CTNNA2: variants seen among roughly 807,000 people sequenced by gnomAD.
CTNNA2 encodes catenin alpha-2.
Under a neutral mutation model 101.0 loss-of-function variants are expected in CTNNA2, and 42 were observed. The observed-to-expected ratio is 0.42, with a 90% CI of 0.32 to 0.54. The LOEUF is 0.54. CTNNA2 is among the 20% of genes least tolerant of loss of function. The probability of loss-of-function intolerance (pLI) is 0.14; values close to 1 mark genes in which losing one functional copy is unlikely to be tolerated. For missense variants in CTNNA2, 871 were observed against 1,223.1 expected, an observed-to-expected ratio of 0.71 and a Z score of 4.29; for synonymous variants, 450 against 456.4, an observed-to-expected ratio of 0.99 and a Z score of 0.18.
chr2:80,072,682 T>A (rs1572996592), intron 7 of CTNNA2, among the ~76,000 whole-genome samples: 1 of 152,160 alleles, frequency 6.6e-6, no homozygotes, highest in East Asian at 1.9e-4. Context: ...GTCCCACCTA[T>A]TCCAACTAAA....
intron 6 of CTNNA2, among the ~76,000 whole-genome samples, chr2:79,906,776 T>A (rs1685457537): frequency 6.6e-6 from 1 of 152,198 alleles, no homozygotes; most frequent in African/African-American, 2.4e-5. Context: ...AAGCAGCACT[T>A]TCCATGCTCG....
chr2:80,270,485 A>G (rs530226667), intron 7 of CTNNA2, among the ~76,000 whole-genome samples: 2 of 152,310 alleles, frequency 1.3e-5, no homozygotes, highest in African/African-American at 4.8e-5. Context: ...ACAGCATTCA[A>G]AATAACTGGT....
intron 9 of CTNNA2, among the ~76,000 whole-genome samples, chr2:80,455,508 G>A (rs1007844340): frequency 3.9e-5 from 6 of 152,166 alleles, no homozygotes; most frequent in Non-Finnish European, 8.8e-5. Context: ...GGTCTCCACG[G>A]CATTAGGTCT....
chr2:79,418,893 A>G (rs1426068681), intron 4 of CTNNA2, among the ~76,000 whole-genome samples: 2 of 152,132 alleles, frequency 1.3e-5, no homozygotes, highest in Non-Finnish European at 2.9e-5. Context: ...AAGTGAGATT[A>G]TTAATATACA....
At chr2:79,878,917 T>C (rs1001740050) in intron 6 of CTNNA2, among the ~76,000 whole-genome samples, 1 of 152,222 alleles carries the variant, frequency 6.6e-6, no homozygotes, top group African/African-American at 2.4e-5. Flanking sequence ...CTGAATGGTA[T>C]TGCCTAGGTT....
chr2:79,211,543 G>A (rs1674173513), intron 2 of CTNNA2, among the ~76,000 whole-genome samples: 1 of 152,162 alleles, frequency 6.6e-6, no homozygotes, highest in African/African-American at 2.4e-5. Flanking sequence ...GGGCAGGAGT[G>A]GAGGTCACAA....
At chr2:79,336,526 G>A (rs1193852570) in intron 3 of CTNNA2, among the ~76,000 whole-genome samples, 2 of 152,126 alleles carry the variant, frequency 1.3e-5, no homozygotes, top group Non-Finnish European at 2.9e-5. Context: ...GTTCTGCTGA[G>A]GCCAGACCAC....
intron 11 of CTNNA2, among the ~76,000 whole-genome samples, chr2:80,548,493 C>T (rs1474222648): frequency 6.6e-6 from 1 of 152,154 alleles, no homozygotes; most frequent in South Asian, 2.1e-4. Context: ...CCTCTTTGCT[C>T]CCTTTTCTCC....
At chr2:80,466,244 CAG>C (rs1433478524) in intron 9 of CTNNA2, among the ~76,000 whole-genome samples, 3 of 152,134 alleles carry the variant, frequency 2.0e-5, no homozygotes, top group Admixed American at 6.5e-5. Flanking sequence ...AAGTGATTTA[CAG>C]AGAGCTTTCT....
intron 7 of CTNNA2, among the ~76,000 whole-genome samples, chr2:80,109,446 G>T (rs747716890): frequency 6.6e-6 from 1 of 151,726 alleles, no homozygotes; most frequent in Non-Finnish European, 1.5e-5. Flanking sequence ...GGGTGACAGA[G>T]TGAGACTCTG....
intron 4 of CTNNA2, among the ~76,000 whole-genome samples, chr2:79,417,360 G>A (rs1229713212): frequency 6.6e-6 from 1 of 152,012 alleles, no homozygotes; most frequent in East Asian, 1.9e-4. Context: ...TACAAATATG[G>A]GTGTAAAAAG....
intron 2 of CTNNA2, among the ~76,000 whole-genome samples, chr2:79,209,085 G>A (rs1674136747): frequency 2.0e-5 from 3 of 152,152 alleles, no homozygotes; most frequent in Admixed American, 2.0e-4. Flanking sequence ...GAAGGCCGAG[G>A]CAGGAAGACG....
intron 7 of CTNNA2, among the ~76,000 whole-genome samples, chr2:80,240,167 G>A (rs1343389791): frequency 6.6e-6 from 1 of 152,046 alleles, no homozygotes; most frequent in East Asian, 1.9e-4. Flanking sequence ...GCTGAGTTCT[G>A]GTTCATCCCA....
intron 7 of CTNNA2, among the ~76,000 whole-genome samples, chr2:80,134,391 C>G (rs868348667): frequency 5.1e-4 from 77 of 152,200 alleles, no homozygotes; most frequent in African/African-American, 1.7e-3. Context: ...CTGACCCTCC[C>G]CCAAACCCTT....
rs372713688 is a variant in CTNNA2, at chr2:79,743,556, G to A, written c.103-831G>A. On this transcript the variant is annotated intron_variant, in intron 2 of 18. Transcript: ENST00000402739. ...TATTTATTTTTTTTTTTTTTGAGAC[G>A]AAGTCTTGCTCTTGTCACCCAGGCT... is the stretch of plus-strand genomic sequence containing the variant. 1.6e-3 allele frequency among the ~76,000 whole-genome samples: 239 copies of A among 145,182 alleles called. 2 individuals are homozygous for A. Among genetic ancestry groups the A allele is most frequent in the African/African-American group, 5.2e-3 (207 of 39,806 alleles).
chr2:80,023,739 A>C (rs762250493), intron 7 of CTNNA2, among the ~76,000 whole-genome samples: 34 of 152,194 alleles, frequency 2.2e-4, no homozygotes, highest in Non-Finnish European at 4.4e-4. Flanking sequence ...TATGTGTGCT[A>C]CATTGGGGAT....
chr2:80,440,708 G>A (rs1682483466), intron 9 of CTNNA2, among the ~76,000 whole-genome samples: 1 of 152,122 alleles, frequency 6.6e-6, no homozygotes, highest in South Asian at 2.1e-4. Flanking sequence ...AAGGCATTAC[G>A]GGAATTTGTG....
At chr2:79,399,748 T>G (rs1678270218) in intron 4 of CTNNA2, among the ~76,000 whole-genome samples, 1 of 151,752 alleles carries the variant, frequency 6.6e-6, no homozygotes, top group South Asian at 2.1e-4. Flanking sequence ...ATGAGAAAAG[T>G]CAATAGAAAT....
intron 18 of CTNNA2, among the ~76,000 whole-genome samples, chr2:80,624,083 C>A (rs887719670): frequency 6.6e-6 from 1 of 151,938 alleles, no homozygotes; most frequent in South Asian, 2.1e-4. Flanking sequence ...TTGTCATGCT[C>A]CAATACAAGG....
Sources: gnomAD v4.1 joint callset for allele counts (sites outside exome capture counted in the v4.1 genomes callset) on GRCh38, gnomAD v4.1.1 for gene constraint, MANE v1.5 for transcripts, NCBI Gene and HGNC (gene_info 2026-07-23, HGNC 2026-07-21) for gene names.